The following DOCK4 variants were observed in gnomAD, a reference collection of about 807,000 sequenced individuals.
DOCK4 encodes dedicator of cytokinesis protein 4.
DOCK4 carries 97 observed loss-of-function variants against 268.1 expected under a neutral mutation model. That is an observed-to-expected ratio of 0.36 (90% confidence interval 0.31 to 0.43). The LOEUF (loss-of-function observed/expected upper bound fraction) is 0.43. DOCK4 is among the 20% of genes least tolerant of loss of function. The pLI is 1.00. For synonymous variants in DOCK4, 954 were observed against 887.2 expected, an observed-to-expected ratio of 1.08 and a Z score of -1.34; for missense variants, 2,145 against 2,455.7, an observed-to-expected ratio of 0.87 and a Z score of 2.67.
intron 1 of DOCK4, among the ~76,000 whole-genome samples, chr7:112,042,327 AG>A: frequency 6.6e-6 from 1 of 152,314 alleles, no homozygotes; most frequent in Non-Finnish European, 1.5e-5. Context: ...TTGTGCTCCA[AG>A]CTCATGTCTT....
intron 44 of DOCK4, among the ~76,000 whole-genome samples, chr7:111,745,408 C>T (rs955165024): frequency 2.0e-5 from 3 of 152,024 alleles, no homozygotes; most frequent in East Asian, 3.9e-4. Context: ...ATCGGCCAGG[C>T]GCGGTGGCTC....
rs202237000 is a variant in DOCK4, at chr7:111,732,261, C to A, written c.5446G>T (p.Val1816Leu). 126 of 1,614,018 alleles carry A rather than the reference C, an allele frequency of 7.8e-5. No homozygotes were observed. The African/African-American group carries it at 1.2e-3, about 15-fold the overall frequency. The change falls in exon 52 of 53, where the codon GTA (valine) becomes TTA (leucine). Residue 1816 changes from valine (V) to leucine (L), a missense_variant. By Grantham distance (32) the Val-to-Leu change is conservative (BLOSUM62 1). Transcript: ENST00000428084. ...GATCGCCCGGCAGGCGAGGGGGATA[C>A]TGATGTCGTGTGTCTTGCTGGTGAA... ...TASPARHTTSVSPSPAGRSPL... is the reference protein window; with the variant it reads ...TASPARHTTSLSPSPAGRSPL...
At chr7:112,125,818 G>A (rs1813168710) in intron 1 of DOCK4, among the ~76,000 whole-genome samples, 1 of 149,668 alleles carries the variant, frequency 6.7e-6, no homozygotes, top group South Asian at 2.1e-4. Flanking sequence ...TTTGTTTTTT[G>A]TTTTTTTTTG....
intron 22 of DOCK4, among the ~76,000 whole-genome samples, chr7:111,866,929 T>A (rs1330224867): frequency 2.6e-5 from 4 of 152,246 alleles, no homozygotes; most frequent in African/African-American, 7.2e-5. Context: ...TCAAGTGCTG[T>A]CAGCAGGGTT....
At chr7:111,911,693 A>C (rs182222340) in intron 13 of DOCK4, among the ~76,000 whole-genome samples, 1 of 152,292 alleles carries the variant, frequency 6.6e-6, no homozygotes, top group African/African-American at 2.4e-5. Context: ...ATCCCAGACA[A>C]TTAATCAGCC....
chr7:111,869,482 C>T (rs1345509233), intron 21 of DOCK4, 92 bp downstream of exon 21: 33 of 1,041,788 alleles, frequency 3.2e-5, no homozygotes, highest in Non-Finnish European at 4.9e-5. Context: ...ACATCATCAC[C>T]CATTACTGTC....
intron 16 of DOCK4, among the ~76,000 whole-genome samples, chr7:111,884,303 C>A (rs1173193498): frequency 6.6e-6 from 1 of 152,180 alleles, no homozygotes; most frequent in Non-Finnish European, 1.5e-5. Flanking sequence ...TCTCTTCTCA[C>A]ACAATCCTTG....
At chr7:111,780,252 A>G (rs192025744) in intron 35 of DOCK4, among the ~76,000 whole-genome samples, 1 of 152,016 alleles carries the variant, frequency 6.6e-6, no homozygotes, top group Admixed American at 6.5e-5. Context: ...AGTCAAATGC[A>G]TCATAAATTT....
chr7:111,761,954 T>A (rs1214567434), intron 39 of DOCK4, among the ~76,000 whole-genome samples: 2 of 152,114 alleles, frequency 1.3e-5, no homozygotes, highest in Non-Finnish European at 2.9e-5. Flanking sequence ...ACACAATACA[T>A]CCCTCTCTGC....
intron 1 of DOCK4, among the ~76,000 whole-genome samples, chr7:112,188,615 T>C (rs1400401268): frequency 1.3e-5 from 2 of 152,188 alleles, no homozygotes; most frequent in Non-Finnish European, 2.9e-5. Context: ...CCATGACAAT[T>C]CATACCCCCC....
intron 1 of DOCK4, among the ~76,000 whole-genome samples, chr7:112,068,016 C>A (rs1216946782): frequency 2.0e-5 from 2 of 98,948 alleles, no homozygotes; most frequent in South Asian, 5.9e-4. Flanking sequence ...ATATACAGAG[C>A]CAAGAAAATT....
At chr7:112,173,357 C>A (rs919219490) in intron 1 of DOCK4, among the ~76,000 whole-genome samples, 3 of 152,196 alleles carry the variant, frequency 2.0e-5, no homozygotes, top group African/African-American at 7.2e-5. Context: ...AATGTCACTT[C>A]CGGACAATAG....
chr7:111,771,916 T>C (rs1798148324), intron 36 of DOCK4, among the ~76,000 whole-genome samples: 3 of 152,306 alleles, frequency 2.0e-5, no homozygotes, highest in East Asian at 1.9e-4. Context: ...CTCAAATTTC[T>C]TTTGTGTCTC....
At chr7:112,044,099 C>A (rs1014949227) in intron 1 of DOCK4, among the ~76,000 whole-genome samples, 1 of 152,102 alleles carries the variant, frequency 6.6e-6, no homozygotes, top group African/African-American at 2.4e-5. Context: ...GATAAGGAAA[C>A]TGAAGCACAG....
chr7:111,765,536 G>T (rs890487181), intron 38 of DOCK4, among the ~76,000 whole-genome samples: 1 of 152,104 alleles, frequency 6.6e-6, no homozygotes, highest in Non-Finnish European at 1.5e-5. Context: ...TATCCCCAGA[G>T]AAAAATTATT....
At chr7:112,069,104 C>T (rs1460412608) in intron 1 of DOCK4, among the ~76,000 whole-genome samples, 1 of 152,208 alleles carries the variant, frequency 6.6e-6, no homozygotes, top group East Asian at 1.9e-4. Flanking sequence ...ATTCTGAGTG[C>T]CCAAATGATT....
chr7:111,987,710 C>T (rs948095626), intron 6 of DOCK4, among the ~76,000 whole-genome samples: 1 of 152,168 alleles, frequency 6.6e-6, no homozygotes, highest in African/African-American at 2.4e-5. Context: ...AGTTCAACTT[C>T]CTCCTTCAAC....
intron 1 of DOCK4, among the ~76,000 whole-genome samples, chr7:112,145,046 T>C (rs1815329273): frequency 6.6e-6 from 1 of 152,158 alleles, no homozygotes; most frequent in Non-Finnish European, 1.5e-5. Context: ...CCCTATATGA[T>C]GAAACGATAT....
chr7:112,026,413 C>G lies in DOCK4; in HGVS notation c.38-22282G>C, dbSNP rs141166668. On this transcript the variant is annotated intron_variant, in intron 1 of 52. Coordinates refer to ENST00000428084, the MANE Select transcript of DOCK4 (RefSeq NM_001363540.2). ...TCCTGAAACATCCCCCCCACTCACC[C>G]TTGTCTGTGGAAAAATTGTCTTCCA... Among the ~76,000 whole-genome samples the G allele has an allele frequency of 7.6e-4, 116 of 152,252 alleles. 2 individuals are homozygous for G. In the East Asian group the frequency reaches 0.02, roughly 26 times the overall value.
Sources: allele counts gnomAD v4.1 joint callset (sites outside exome capture counted in the v4.1 genomes callset), GRCh38; gene constraint gnomAD v4.1.1; transcripts MANE v1.5; gene names NCBI Gene and HGNC (gene_info 2026-07-23, HGNC 2026-07-21).